Variants in CNTNAP5 observed in about 807,000 individuals in gnomAD.
CNTNAP5 encodes the protein contactin associated protein family member 5.
A neutral mutation model predicts 150.2 loss-of-function variants in CNTNAP5; 72 were observed. The observed-to-expected ratio is 0.48, with a 90% confidence interval of 0.40 to 0.58. CNTNAP5 has a LOEUF of 0.58. CNTNAP5 is among the 20% of genes least tolerant of loss of function. The pLI, the probability that CNTNAP5 is intolerant of heterozygous loss-of-function variation, is 0.00. For missense variants in CNTNAP5, 1,636 were observed against 1,626.2 expected, an observed-to-expected ratio of 1.01 and a Z score of -0.10; for synonymous variants, 672 against 619.8, an observed-to-expected ratio of 1.08 and a Z score of -1.25.
chr2:124,796,239 G>C (rs1681843490), intron 18 of CNTNAP5, among the ~76,000 whole-genome samples: 1 of 151,042 alleles, frequency 6.6e-6, no homozygotes, highest in Middle Eastern at 3.4e-3. Context: ...ATTGTCTTAA[G>C]TATAAAGAAA....
In CNTNAP5 at chr2:124,419,988, C is replaced by CTTTCTTTTT. The variant is rs760831784; in HGVS notation, c.529+2401_529+2402insCTTTTTTTT. Among the ~76,000 whole-genome samples the CTTTCTTTTT allele has an allele frequency of 3.9e-4, 31 of 78,882 alleles. 4 individuals carry two copies. Among genetic ancestry groups the CTTTCTTTTT allele is most frequent in the African/African-American group, 5.4e-4 (11 of 20,254 alleles). The allele number at this position is 78,882 out of a possible 152,430, so 51.7% of individuals were successfully genotyped here. A position where few individuals can be genotyped will look rare whatever the true frequency, so the allele number is the denominator to read the frequency against. On this transcript the variant is annotated intron_variant, in intron 4 of 23. Coordinates refer to ENST00000682447, the MANE Select transcript of CNTNAP5 (RefSeq NM_001367498.1). ...TCTCTCTCTCTTTCTTTCTTTCTTT[C>CTTTCTTTTT]TTTTTTTTTTTTTTTTTTTTTGAGA...
rs183622342 is a variant in CNTNAP5, at chr2:124,261,387, G to A, written c.381+18994G>A. On this transcript the variant is annotated intron_variant, in intron 3 of 23. Transcript: ENST00000682447. ...AACTGTCCCATGAAGAGAACACGTC[G>A]CACTTTATTTTATAAGCTTTTTATT... 3.6e-4 allele frequency among the ~76,000 whole-genome samples: 55 copies of A among 152,158 alleles called. 1 individual carries two copies. The highest frequency in any genetic ancestry group is 6.9e-4 in the Non-Finnish European group (47 of 68,004).
Position 124,137,052 on chromosome 2 carries a change from T to C in CNTNAP5, c.83-84653T>C, listed in dbSNP as rs564061499. 3.9e-5 allele frequency among the ~76,000 whole-genome samples: 6 copies of C among 152,268 alleles called. No individual in the cohort carries two copies. The East Asian group carries it at 5.8e-4, about 15-fold the overall frequency. On this transcript the variant is annotated intron_variant, in intron 1 of 23. Transcript: ENST00000682447. ...CTGCCTCACACTCTTTCCTTCAGCA[T>C]GACTTATATTGTGCTGAGTTCTGTG...
At chr2:124,424,356 C>T (rs1020179859) in intron 4 of CNTNAP5, among the ~76,000 whole-genome samples, 2 of 152,140 alleles carry the variant, frequency 1.3e-5, no homozygotes, top group African/African-American at 4.8e-5. Context: ...TGTCAGCCCT[C>T]CAAGTGGGGA....
intron 13 of CNTNAP5, among the ~76,000 whole-genome samples, chr2:124,651,550 TG>T (rs1475464738): frequency 7.9e-5 from 12 of 152,204 alleles, no homozygotes; most frequent in Admixed American, 1.3e-4. Context: ...ATAAGATGCT[TG>T]TTTAATGCCA....
intron 17 of CNTNAP5, among the ~76,000 whole-genome samples, chr2:124,786,430 G>A (rs867640557): frequency 1.5e-4 from 15 of 102,216 alleles, no homozygotes; most frequent in African/African-American, 5.3e-4. Flanking sequence ...AAGGAAGGAA[G>A]GAAGGAAGGA....
At chr2:124,572,005 G>T (rs1696175219) in intron 11 of CNTNAP5, among the ~76,000 whole-genome samples, 1 of 152,192 alleles carries the variant, frequency 6.6e-6, no homozygotes, top group African/African-American at 2.4e-5. Context: ...GACTGTGGCA[G>T]TATTGGAATG....
intron 3 of CNTNAP5, among the ~76,000 whole-genome samples, chr2:124,285,539 C>T (rs1190290434): frequency 6.6e-6 from 1 of 152,008 alleles, no homozygotes; most frequent in African/African-American, 2.4e-5. Flanking sequence ...GTGGCTCACG[C>T]CCGTAATCTC....
intron 19 of CNTNAP5, among the ~76,000 whole-genome samples, chr2:124,840,230 A>C (rs1823819): frequency 0.87 from 131,591 of 152,004 alleles, 57,453 homozygotes; most frequent in African/African-American, 0.97. Flanking sequence ...AAGGATGTTT[A>C]TTCACTGTGA....
chr2:124,231,945 A>T (rs942702622), intron 2 of CNTNAP5, among the ~76,000 whole-genome samples: 1 of 152,014 alleles, frequency 6.6e-6, no homozygotes, highest in Non-Finnish European at 1.5e-5. Flanking sequence ...GAACATCACC[A>T]TTTGGCACAA....
intron 11 of CNTNAP5, among the ~76,000 whole-genome samples, chr2:124,588,771 T>C (rs1038567030): frequency 2.6e-5 from 4 of 152,100 alleles, no homozygotes; most frequent in Admixed American, 1.3e-4. Context: ...TTAACTAAAA[T>C]GTGTGGTGGT....
At chr2:124,807,295 T>C (rs1323264088) in intron 19 of CNTNAP5, among the ~76,000 whole-genome samples, 1 of 152,182 alleles carries the variant, frequency 6.6e-6, no homozygotes, top group Non-Finnish European at 1.5e-5. Context: ...ACTCTGACTG[T>C]CGGATGCCCT....
chr2:124,709,976 A>G (rs1190870970), intron 13 of CNTNAP5, among the ~76,000 whole-genome samples: 1 of 152,074 alleles, frequency 6.6e-6, no homozygotes, highest in Non-Finnish European at 1.5e-5. Flanking sequence ...TTTAAATGTA[A>G]AAAAGTAATT....
chr2:124,600,177 GA>G lies in CNTNAP5; in HGVS notation c.1757-9622del, dbSNP rs1210966951. Among the ~76,000 whole-genome samples, 3 of 149,214 alleles carry G rather than the reference GA, an allele frequency of 2.0e-5. No homozygotes were observed. The East Asian group carries it at 5.9e-4, about 29-fold the overall frequency. ...TTTGTTTCCTTACACTCCTCATGAA[GA>G]ATAGTAAATGGTTTTTTTTTTATTT... On this transcript the variant is annotated intron_variant, in intron 11 of 23. Coordinates refer to ENST00000682447, the MANE Select transcript of CNTNAP5 (RefSeq NM_001367498.1).
intron 1 of CNTNAP5, among the ~76,000 whole-genome samples, chr2:124,201,832 G>C (rs1685735390): frequency 6.6e-6 from 1 of 152,198 alleles, no homozygotes; most frequent in Non-Finnish European, 1.5e-5. Context: ...TACAAGCTTA[G>C]AGCAGCAATA....
intron 3 of CNTNAP5, among the ~76,000 whole-genome samples, chr2:124,386,819 C>A (rs574787698): frequency 0.18 from 27,880 of 151,996 alleles, 2,709 homozygotes; most frequent in East Asian, 0.28. Context: ...ATGTTTGTGT[C>A]CCCCCAGAAT....
rs538848574 is a variant in CNTNAP5, at chr2:124,049,312, G to T, written c.82+23580G>T. 1.4e-4 allele frequency among the ~76,000 whole-genome samples: 21 copies of T among 152,284 alleles called. No homozygotes were observed. In the South Asian group the frequency reaches 4.1e-3, roughly 30 times the overall value. ...TGTCTCTGGAGGCTGCAATACGAAT[G>T]CCTCAGAAAGGCACACCGCTTACTC... On this transcript the variant is annotated intron_variant, in intron 1 of 23. Transcript: ENST00000682447.
chr2:124,056,866 C>T (rs1279291198), intron 1 of CNTNAP5, among the ~76,000 whole-genome samples: 1 of 152,186 alleles, frequency 6.6e-6, no homozygotes, highest in Non-Finnish European at 1.5e-5. Flanking sequence ...AGTGATTCAT[C>T]TCTATCGTAG....
chr2:124,801,766 G>A (rs1370530712), intron 19 of CNTNAP5, among the ~76,000 whole-genome samples: 1 of 152,122 alleles, frequency 6.6e-6, no homozygotes, highest in Non-Finnish European at 1.5e-5. Context: ...AGAGAATCAT[G>A]GGGGGTGAGA....
Sources: allele counts gnomAD v4.1 joint callset (sites outside exome capture counted in the v4.1 genomes callset), GRCh38; gene constraint gnomAD v4.1.1; transcripts MANE v1.5; gene names NCBI Gene and HGNC (gene_info 2026-07-23, HGNC 2026-07-21).